ZNF253: variants seen among roughly 807,000 people sequenced by gnomAD.
ZNF253 encodes the protein DNA-binding protein.
ZNF253 carries 8 observed loss-of-function variants against 11.9 expected under a neutral mutation model. The ratio of observed to expected loss-of-function variants is 0.67; its 90% CI spans 0.40 to 1.22. The LOEUF is 1.22. Among genes scored for constraint, ZNF253 ranks in the 50% most tolerant of loss-of-function variants. ZNF253 has a pLI of 0.01. For missense variants in ZNF253, 485 were observed against 586.9 expected (o/e 0.83, Z 1.79); for synonymous variants, 194 against 194.9 (o/e 1.00, Z 0.04).
At chr19:19,891,417 A>ATG (rs2063228923) in intron 3 of ZNF253, 57 bp from the exon 4 acceptor site, 2 of 1,366,848 alleles carry the variant, frequency 1.5e-6, no homozygotes, top group South Asian at 3.0e-5. Flanking sequence ...TAGATTTGTA[A>ATG]TGTATATTTA....
chr19:19,891,826 T>C lies in ZNF253; in HGVS notation c.579T>C (p.Ile193=), dbSNP rs1362650499. The C allele has an allele frequency of 6.2e-7, 1 of 1,614,166 alleles. No homozygotes were observed. ...RSSTLTTHKK[I]HTGEKPYRCE... is the part of the protein sequence containing the mutation. ...CAACCCTTACTACACATAAGAAAAT[T>C]CATACTGGAGAGAAACCTTACAGAT... Residue 193 remains isoleucine (I), a synonymous_variant, in exon 4 of 4, where the codon ATT becomes ATC. Coordinates refer to ENST00000589717, the MANE Select transcript of ZNF253 (RefSeq NM_021047.3).
In ZNF253 at chr19:19,892,943, G is replaced by A. The variant is rs1001270040; in HGVS notation, c.*196G>A. 1.7e-6 allele frequency: 1 copy of A among 582,102 alleles called. No homozygotes were observed. Among genetic ancestry groups the A allele is most frequent in the African/African-American group, 1.9e-5 (1 of 52,944 alleles). 36.1% of individuals were successfully genotyped at this position (582,102 alleles called of 1,614,324 possible). On this transcript the variant is annotated 3_prime_UTR_variant, in exon 4 of 4. Coordinates refer to ENST00000589717, the MANE Select transcript of ZNF253 (RefSeq NM_021047.3). Reference sequence around the variant, plus strand: ...CAAACAGAAGCCCTACAAGTGTGAAGAATGTGGCAAAACCTATAAACCTAT... The same window carrying A: ...CAAACAGAAGCCCTACAAGTGTGAAAAATGTGGCAAAACCTATAAACCTAT...
intron 2 of ZNF253, chr19:19,878,838 A>T (rs1284980840): frequency 2.5e-6 from 1 of 405,878 alleles, no homozygotes; most frequent in East Asian, 5.0e-5. Flanking sequence ...CTAAAAGTGT[A>T]TAATTACACT....
chr19:19,865,845 TG>T, upstream of ZNF253: 1 of 995,092 alleles, frequency 1.0e-6, no homozygotes. Flanking sequence ...ACATGGTTTC[TG>T]GGGGCCTTTG....
At chr19:19,888,750 A>G (rs533413639) in intron 3 of ZNF253, among the ~76,000 whole-genome samples, 1 of 152,264 alleles carries the variant, frequency 6.6e-6, no homozygotes, top group East Asian at 1.9e-4. Context: ...CATTATGATA[A>G]TAAGTAAGGA....
chr19:19,869,572 G>T (rs1041086844), intron 1 of ZNF253, among the ~76,000 whole-genome samples: 13 of 150,982 alleles, frequency 8.6e-5, no homozygotes, highest in African/African-American at 2.9e-4. Flanking sequence ...TGTTGATCAG[G>T]CTGGTCTTGA....
At chr19:19,870,932 T>G (rs1024704982) in intron 1 of ZNF253, 1 of 152,182 alleles carries the variant, frequency 6.6e-6, no homozygotes, top group Non-Finnish European at 1.5e-5. Flanking sequence ...GGGGAACATT[T>G]TCTGGCTCAT....
intron 3 of ZNF253, among the ~76,000 whole-genome samples, chr19:19,890,498 TTGTGTGTG>T (rs35114806): frequency 0.012 from 1,650 of 141,028 alleles, 18 homozygotes; most frequent in Middle Eastern, 0.038. Context: ...CAATTTATAT[TTGTGTGTG>T]TGTGTGTGTG....
rs557664801 is a variant in ZNF253 at position 19,872,964 on chromosome 19, A to T, written c.4-5517A>T. Among the ~76,000 whole-genome samples the T allele has an allele frequency of 3.8e-4, 58 of 152,194 alleles. 1 individual carries two copies. The South Asian group carries it at 0.012, about 32-fold the overall frequency. On this transcript the variant is annotated intron_variant, in intron 1 of 3. Transcript: ENST00000589717. ...CTGCAGATAAGTTCTGGCCTCTACCACAGATTTACAAAAAAGGGCCGGACT... is the reference window on the plus strand; with the variant it reads ...CTGCAGATAAGTTCTGGCCTCTACCTCAGATTTACAAAAAAGGGCCGGACT...
At chr19:19,888,464 AT>A (rs1408913490) in intron 3 of ZNF253, among the ~76,000 whole-genome samples, 4 of 146,984 alleles carry the variant, frequency 2.7e-5, no homozygotes, top group Non-Finnish European at 4.5e-5. Context: ...TATGCTTTTA[AT>A]TTTTTTCTTA....
chr19:19,874,075 A>AT (rs898287579), intron 1 of ZNF253, among the ~76,000 whole-genome samples: 4 of 152,008 alleles, frequency 2.6e-5, no homozygotes, highest in Admixed American at 2.6e-4. Context: ...TGCCCAGCTA[A>AT]TTTTTTGTAT....
At chr19:19,886,128 G>T (rs1176719304) in intron 3 of ZNF253, among the ~76,000 whole-genome samples, 1 of 152,134 alleles carries the variant, frequency 6.6e-6, no homozygotes, top group East Asian at 1.9e-4. Flanking sequence ...GAGTAGCTAG[G>T]ATTACAGACA....
intron 1 of ZNF253, among the ~76,000 whole-genome samples, chr19:19,874,001 C>T (rs562171384): frequency 2.6e-5 from 4 of 152,186 alleles, no homozygotes; most frequent in African/African-American, 4.8e-5. Flanking sequence ...CTCGGCCTCC[C>T]GGGTTCAAGT....
intron 1 of ZNF253, among the ~76,000 whole-genome samples, chr19:19,875,391 T>A (rs1228984653): frequency 1.7e-5 from 1 of 58,590 alleles, no homozygotes; most frequent in Non-Finnish European, 2.6e-5. Flanking sequence ...TACATTAAAC[T>A]CTTTCTTTCT....
At position 19,890,498 on chromosome 19, in the gene ZNF253, T is replaced by G. The variant is rs60155534; in HGVS notation, c.227-976T>G. On this transcript the variant is annotated intron_variant, in intron 3 of 3. Coordinates refer to ENST00000589717, the MANE Select transcript of ZNF253 (RefSeq NM_021047.3). ...GAAACCAGGAGTTGGCAATTTATAT[T>G]TGTGTGTGTGTGTGTGTGTGTGTGT... Among the ~76,000 whole-genome samples, 674 of 141,050 alleles carry G rather than the reference T, an allele frequency of 4.8e-3. 6 individuals carry two copies. The highest frequency in any genetic ancestry group is 0.017 in the African/African-American group (642 of 37,868). The allele number at this position is 141,050 out of a possible 152,430, so 92.5% of individuals were successfully genotyped here.
intron 1 of ZNF253, among the ~76,000 whole-genome samples, chr19:19,873,668 A>G (rs1470364792): frequency 6.6e-6 from 1 of 152,132 alleles, no homozygotes; most frequent in Non-Finnish European, 1.5e-5. Flanking sequence ...CCAAATAGAT[A>G]AAGTATTTCC....
intron 2 of ZNF253, among the ~76,000 whole-genome samples, chr19:19,878,852 T>C (rs2063166138): frequency 6.6e-6 from 1 of 152,194 alleles, no homozygotes; most frequent in Non-Finnish European, 1.5e-5. Context: ...TTACACTGTT[T>C]GTACTACAAA....
intron 1 of ZNF253, among the ~76,000 whole-genome samples, chr19:19,876,823 T>A (rs1412462830): frequency 2.0e-5 from 3 of 152,172 alleles, no homozygotes; most frequent in East Asian, 3.8e-4. Flanking sequence ...GCTTTTTTTT[T>A]AATGAGTTTG....
intron 3 of ZNF253, among the ~76,000 whole-genome samples, chr19:19,880,405 C>A (rs577365867): frequency 6.6e-6 from 1 of 151,624 alleles, no homozygotes; most frequent in East Asian, 1.9e-4. Flanking sequence ...CTCTTCATGG[C>A]ATGTAAAAGG....
Sources: allele counts gnomAD v4.1 joint callset (sites outside exome capture counted in the v4.1 genomes callset), GRCh38; gene constraint gnomAD v4.1.1; transcripts MANE v1.5; gene names NCBI Gene and HGNC (gene_info 2026-07-23, HGNC 2026-07-21).